Variants in CXCL17 observed in about 807,000 individuals in gnomAD.
The protein encoded by CXCL17 is C-X-C motif chemokine 17.
A neutral mutation model predicts 15.5 loss-of-function variants in CXCL17; 9 were observed. The observed-to-expected ratio is 0.58, with a 90% CI of 0.35 to 1.01. CXCL17 has a LOEUF of 1.01. CXCL17 is among the 50% of genes least tolerant of loss of function. The pLI is 0.02. For missense variants in CXCL17, 133 were observed against 138.2 expected (o/e 0.96, Z 0.19); for synonymous variants, 52 against 52.3 (o/e 0.99, Z 0.02).
At chr19:42,435,172 C>T (rs1378507794) in intron 1 of CXCL17, among the ~76,000 whole-genome samples, 1 of 138,684 alleles carries the variant, frequency 7.2e-6, no homozygotes, top group Non-Finnish European at 1.5e-5. Flanking sequence ...GAGCGAGACA[C>T]GGTCTCAAAA....
intron 1 of CXCL17, among the ~76,000 whole-genome samples, chr19:42,435,700 C>T (rs538177637): frequency 3.3e-5 from 5 of 151,738 alleles, no homozygotes; most frequent in African/African-American, 9.7e-5. Context: ...CATGGTGGCG[C>T]GTGCCTGTAG....
intron 1 of CXCL17, among the ~76,000 whole-genome samples, chr19:42,438,408 A>ACACAC (rs1568622710): frequency 3.7e-4 from 33 of 90,164 alleles, no homozygotes; most frequent in African/African-American, 1.7e-3. Flanking sequence ...ATATATATAA[A>ACACAC]ATACACACAC....
Position 42,428,984 on chromosome 19 carries a change from A to G in CXCL17, c.263-3T>C. On this transcript the variant is annotated splice_polypyrimidine_tract_variant and splice_region_variant and intron_variant, in intron 3 of 3. Coordinates refer to ENST00000601181, the MANE Select transcript of CXCL17 (RefSeq NM_198477.3). The stretch of plus-strand genomic sequence containing the variant: ...CTTTCTGTGGTGCCTTTGGTGTCCT[A>G]GGGTGCAAATAAAGGGGAGAGGCTA... The G allele has an allele frequency of 3.1e-6, 5 of 1,611,944 alleles. No homozygotes were observed. The highest frequency in any genetic ancestry group is 4.2e-6 in the Non-Finnish European group (5 of 1,178,174).
At chr19:42,438,638 G>T (rs1405757448) in intron 1 of CXCL17, among the ~76,000 whole-genome samples, 2 of 151,742 alleles carry the variant, frequency 1.3e-5, no homozygotes, top group Admixed American at 1.3e-4. Context: ...TACTAGCAAT[G>T]GACCTATCAG....
chr19:42,442,298 G>A (rs1312853819), intron 1 of CXCL17, among the ~76,000 whole-genome samples: 9 of 141,164 alleles, frequency 6.4e-5, no homozygotes, highest in African/African-American at 1.1e-4. Flanking sequence ...CAGTGGTGCC[G>A]TCTCGGCTCA....
chr19:42,429,203 T>C (rs1453791922), intron 3 of CXCL17, among the ~76,000 whole-genome samples: 1 of 151,220 alleles, frequency 6.6e-6, no homozygotes, highest in Non-Finnish European at 1.5e-5. Context: ...AATTTTTGTA[T>C]TTTAGTAGAG....
chr19:42,438,116 T>C (rs1225851741), intron 1 of CXCL17, among the ~76,000 whole-genome samples: 1 of 151,748 alleles, frequency 6.6e-6, no homozygotes, highest in Admixed American at 6.6e-5. Context: ...CCCAGCACTT[T>C]GGGAGGCCGA....
chr19:42,439,444 C>T (rs1318808331), intron 1 of CXCL17, among the ~76,000 whole-genome samples: 1 of 149,116 alleles, frequency 6.7e-6, no homozygotes. Context: ...ATGATGATGC[C>T]ATAACTGGTG....
At position 42,439,554 on chromosome 19, in the gene CXCL17, T is replaced by C. The variant is rs180896597; in HGVS notation, c.79+3200A>G. 2.2e-4 allele frequency among the ~76,000 whole-genome samples: 33 copies of C among 152,156 alleles called. 1 individual carries two copies. The East Asian group carries it at 3.7e-3, about 17-fold the overall frequency. On this transcript the variant is annotated intron_variant, in intron 1 of 3. Coordinates refer to ENST00000601181, the MANE Select transcript of CXCL17 (RefSeq NM_198477.3). Reference sequence around the variant, plus strand: ...TACTTATTAATTACAATAAGATGAATAGTAACTTTACAGTAGAGAAACCTG... The same window carrying C: ...TACTTATTAATTACAATAAGATGAACAGTAACTTTACAGTAGAGAAACCTG...
At position 42,442,826 on chromosome 19, in the gene CXCL17, C is replaced by T; in HGVS notation, c.7G>A (p.Val3Ile). The T allele has an allele frequency of 6.2e-7, 1 of 1,613,358 alleles. No individual in the cohort carries two copies. The highest frequency in any genetic ancestry group is 8.5e-7 in the Non-Finnish European group (1 of 1,179,434). ...AACAGGAGGAGGGAAGAGATTAGAA[C>T]TTTCATCGCAACTGTCGGTGCAGCT... is the stretch of plus-strand genomic sequence containing the variant. MK[V>I]LISSLLLLLP... Residue 3 changes from valine (V) to isoleucine (I), a missense_variant, in exon 1 of 4, where the codon GTT becomes ATT. Coordinates refer to ENST00000601181, the MANE Select transcript of CXCL17 (RefSeq NM_198477.3).
rs760784468 is a variant in CXCL17 at position 42,428,880 on chromosome 19, G to T, written c.*4C>A. On this transcript the variant is annotated 3_prime_UTR_variant, in exon 4 of 4. Coordinates refer to ENST00000601181, the MANE Select transcript of CXCL17 (RefSeq NM_198477.3). ...TTAATTGGAAGAGTGGGCGCTCAGAGCTCCTACAAAGGCAGAGCAAAGCTT... is the reference window on the plus strand; with the variant it reads ...TTAATTGGAAGAGTGGGCGCTCAGATCTCCTACAAAGGCAGAGCAAAGCTT... 4 of 1,609,452 alleles carry T rather than the reference G, an allele frequency of 2.5e-6. No individual in the cohort carries two copies. The highest frequency in any genetic ancestry group is 3.4e-6 in the Non-Finnish European group (4 of 1,175,742).
intron 1 of CXCL17, among the ~76,000 whole-genome samples, chr19:42,438,482 T>A (rs2040860148): frequency 6.7e-6 from 1 of 150,292 alleles, no homozygotes; most frequent in Admixed American, 6.7e-5. Context: ...TCTCTCTCTC[T>A]TTGTCTCTTT....
intron 1 of CXCL17, among the ~76,000 whole-genome samples, chr19:42,436,637 A>C (rs1446732014): frequency 6.6e-6 from 1 of 152,214 alleles, no homozygotes. Flanking sequence ...CATAGCATGT[A>C]AACACATTCT....
At chr19:42,442,127 G>A (rs2040898134) in intron 1 of CXCL17, among the ~76,000 whole-genome samples, 1 of 152,116 alleles carries the variant, frequency 6.6e-6, no homozygotes, top group Non-Finnish European at 1.5e-5. Flanking sequence ...TGGGGGAGAA[G>A]GCATGGGAGC....
intron 3 of CXCL17, among the ~76,000 whole-genome samples, chr19:42,432,257 G>C (rs1226694161): frequency 6.7e-6 from 1 of 149,152 alleles, no homozygotes; most frequent in East Asian, 2.0e-4. Context: ...CAATTCGCGT[G>C]CCTCAACCTC....
intron 1 of CXCL17, among the ~76,000 whole-genome samples, chr19:42,439,919 A>G (rs1178020110): frequency 2.0e-5 from 3 of 152,200 alleles, no homozygotes; most frequent in African/African-American, 7.2e-5. Context: ...GATGATTAGC[A>G]AGATTTGAAC....
chr19:42,428,722 C>G lies in CXCL17; in HGVS notation c.*162G>C. 1 of 672,958 alleles carries G rather than the reference C, an allele frequency of 1.5e-6. No homozygotes were observed. The highest frequency in any genetic ancestry group is 2.7e-6 in the Non-Finnish European group (1 of 373,388). 41.7% of individuals were successfully genotyped at this position (672,958 alleles called of 1,614,324 possible). A position where few individuals can be genotyped will look rare whatever the true frequency, so the allele number is the denominator to read the frequency against. ...GAGAAGAAGACACTAGAGAGAGCAACAAACAAAATGATCTTGAAAAACATG... is the reference window on the plus strand; with the variant it reads ...GAGAAGAAGACACTAGAGAGAGCAAGAAACAAAATGATCTTGAAAAACATG... On this transcript the variant is annotated 3_prime_UTR_variant, in exon 4 of 4. Transcript: ENST00000601181.
In CXCL17 at chr19:42,433,837, C is replaced by A; in HGVS notation, c.99G>T (p.Arg33Ser). Residue 33 changes from arginine (R) to serine (S), a missense_variant, in exon 2 of 4, where the codon AGG (arginine) becomes AGT (serine). Arg to Ser is a moderately radical substitution (Grantham distance 110). Transcript: ENST00000601181. Reference protein sequence around the residue: ...SLNPGVARGHRDRGQASRRWL... With the variant: ...SLNPGVARGHSDRGQASRRWL... The stretch of plus-strand genomic sequence containing the variant: ...ATCTCCTAGAAGCCTGGCCTCGGTC[C>A]CTGTGGCCTCTGGCGACCCCTGTCG... 6.2e-7 allele frequency: 1 copy of A among 1,613,954 alleles called. No individual in the cohort carries two copies. The highest frequency in any genetic ancestry group is 8.5e-7 in the Non-Finnish European group (1 of 1,179,954).
chr19:42,438,519 C>T (rs1216098792), intron 1 of CXCL17, among the ~76,000 whole-genome samples: 1 of 150,932 alleles, frequency 6.6e-6, no homozygotes, highest in Non-Finnish European at 1.5e-5. Flanking sequence ...TTTTGGACCA[C>T]TGTTGGCGGG....
Sources: gnomAD v4.1 joint callset for allele counts (sites outside exome capture counted in the v4.1 genomes callset) on GRCh38, gnomAD v4.1.1 for gene constraint, MANE v1.5 for transcripts, NCBI Gene and HGNC (gene_info 2026-07-23, HGNC 2026-07-21) for gene names.